Variants in FRMPD4 observed in about 807,000 individuals in gnomAD.
FRMPD4 encodes FERM and PDZ domain-containing protein 4.
FRMPD4 carries 22 observed loss-of-function variants against 94.1 expected under a neutral mutation model. The ratio of observed to expected loss-of-function variants is 0.23; its 90% CI spans 0.17 to 0.33. FRMPD4 has a LOEUF of 0.33. Among genes scored for constraint, FRMPD4 ranks in the 10% least tolerant of loss-of-function variants. The probability of loss-of-function intolerance (pLI) is 1.00; values close to 1 mark genes in which losing one functional copy is unlikely to be tolerated. For synonymous variants in FRMPD4, 631 were observed against 548.6 expected, an observed-to-expected ratio of 1.15 and a Z score of -2.10; for missense variants, 1,111 against 1,339.9, an observed-to-expected ratio of 0.83 and a Z score of 2.67.
chrX:12,519,133 C>T (rs2058134271), intron 2 of FRMPD4, among the ~76,000 whole-genome samples: 1 of 112,092 alleles, frequency 8.9e-6, no homozygotes, highest in African/African-American at 3.2e-5. Flanking sequence ...AAGCAGTCTA[C>T]AAATTCAACA....
At chrX:11,837,529 G>T (rs2053507879) in intron 1 of FRMPD4, among the ~76,000 whole-genome samples, 1 of 111,432 alleles carries the variant, frequency 9.0e-6, no homozygotes, top group Non-Finnish European at 1.9e-5. Flanking sequence ...ACGTAATAGT[G>T]GATAGAAATG....
At chrX:12,533,144 G>T (rs771253612) in intron 2 of FRMPD4, among the ~76,000 whole-genome samples, 4 of 110,931 alleles carry the variant, frequency 3.6e-5, no homozygotes, top group Non-Finnish European at 5.7e-5. Context: ...ATGGGGGCAG[G>T]TCTTCCCTGT....
intron 1 of FRMPD4, among the ~76,000 whole-genome samples, chrX:12,438,404 C>T (rs1236390538): frequency 9.2e-6 from 1 of 108,393 alleles, no homozygotes; most frequent in Non-Finnish European, 1.9e-5. Context: ...ATACTAGATT[C>T]ATAGTGTTAT....
At chrX:12,458,673 C>T (rs939503888) in intron 1 of FRMPD4, among the ~76,000 whole-genome samples, 1 of 111,436 alleles carries the variant, frequency 9.0e-6, no homozygotes, top group Non-Finnish European at 1.9e-5. Context: ...GAGGTCTAGG[C>T]CTGTGATTTC....
intron 1 of FRMPD4, among the ~76,000 whole-genome samples, chrX:12,494,180 G>A (rs769083613): frequency 2.3e-4 from 26 of 112,042 alleles, no homozygotes; most frequent in Non-Finnish European, 4.7e-4. Context: ...TTATCTTCTT[G>A]TAACAGTCCT....
chrX:12,284,491 C>CA (rs2054571155), intron 1 of FRMPD4, among the ~76,000 whole-genome samples: 1 of 111,617 alleles, frequency 9.0e-6, no homozygotes, highest in African/African-American at 3.3e-5. Flanking sequence ...CAGACAAGAA[C>CA]ATGCCTTCCC....
chrX:12,113,648 A>G (rs1188000320), intron 3 of FRMPD4, among the ~76,000 whole-genome samples: 3 of 112,290 alleles, frequency 2.7e-5, no homozygotes, highest in African/African-American at 3.2e-5. Flanking sequence ...ATCCAAGATA[A>G]ACAACCCATC....
chrX:12,652,053 T>A (rs1602263778), intron 4 of FRMPD4, among the ~76,000 whole-genome samples: 2 of 112,713 alleles, frequency 1.8e-5, no homozygotes, highest in South Asian at 7.3e-4. Context: ...GGGCCTCCCA[T>A]GGGAATGACC....
chrX:12,414,699 T>C (rs892740381), intron 1 of FRMPD4, among the ~76,000 whole-genome samples: 2 of 111,744 alleles, frequency 1.8e-5, no homozygotes, highest in Admixed American at 1.9e-4. Flanking sequence ...CCAAAAATAA[T>C]GAAAGAGCAA....
rs754063498 is a variant in FRMPD4 at position 12,331,691 on chromosome X, A to ACT, written c.42-166989_42-166988insCT. Among the ~76,000 whole-genome samples, 178 of 65,245 alleles carry ACT rather than the reference A, an allele frequency of 2.7e-3. 16 individuals are homozygous for ACT. Among genetic ancestry groups the ACT allele is most frequent in the African/African-American group, 0.013 (143 of 11,227 alleles). 56.7% of individuals were successfully genotyped at this position (65,245 alleles called of 115,157 possible). On this transcript the variant is annotated intron_variant, in intron 1 of 16. Transcript: ENST00000675598. ...AAATATATAAATTATATATTTATAT[A>ACT]ATATATAAATATATAATATATAATT...
In FRMPD4 at chrX:12,710,302, A is replaced by G. The variant is rs1372766697; in HGVS notation, c.1471-97A>G. ...GTTTCTCCCATGAAATGTTTGTTCAATAACTCCTTTTTCCATAAGCATAAA... is the reference window on the plus strand; with the variant it reads ...GTTTCTCCCATGAAATGTTTGTTCAGTAACTCCTTTTTCCATAAGCATAAA... On this transcript the variant is annotated intron_variant, in intron 13 of 16. Transcript: ENST00000675598. 1.8e-5 allele frequency: 13 copies of G among 722,179 alleles called. No individual in the cohort carries two copies. The Admixed American group carries it at 3.4e-4, about 19-fold the overall frequency. The allele number at this position is 722,179 out of a possible 1,213,427, so 59.5% of individuals were successfully genotyped here. A position where few individuals can be genotyped will look rare whatever the true frequency, so the allele number is the denominator to read the frequency against.
intron 1 of FRMPD4, among the ~76,000 whole-genome samples, chrX:12,382,923 G>T (rs1476540846): frequency 8.9e-6 from 1 of 112,203 alleles, no homozygotes; most frequent in African/African-American, 3.2e-5. Flanking sequence ...AAACATAATA[G>T]GGACTCGGAA....
chrX:11,875,869 ATTTT>A (rs869076863), intron 2 of FRMPD4, among the ~76,000 whole-genome samples: 1 of 57,264 alleles, frequency 1.7e-5, no homozygotes. Context: ...CCACTTGAGG[ATTTT>A]TTTTTTTTTT....
intron 2 of FRMPD4, among the ~76,000 whole-genome samples, chrX:11,866,645 A>G (rs1298687756): frequency 8.9e-6 from 1 of 112,455 alleles, no homozygotes; most frequent in Non-Finnish European, 1.9e-5. Context: ...TACATATACA[A>G]CTAGATTAAT....
At chrX:12,588,831 C>T (rs2058956246) in intron 2 of FRMPD4, among the ~76,000 whole-genome samples, 2 of 110,848 alleles carry the variant, frequency 1.8e-5, no homozygotes, top group Admixed American at 9.5e-5. Flanking sequence ...CAAATGTGTA[C>T]GTGTATAAAC....
chrX:12,294,485 C>CACACACACACACACACACACACAG (rs34874624), intron 1 of FRMPD4, among the ~76,000 whole-genome samples: 8 of 92,098 alleles, frequency 8.7e-5, no homozygotes, highest in Admixed American at 2.4e-4. Context: ...CACACACACA[C>CACACACACACACACACACACACAG]AGAGAGAGAG....
At chrX:12,021,675 A>G (rs1324275611) in intron 3 of FRMPD4, among the ~76,000 whole-genome samples, 1 of 111,604 alleles carries the variant, frequency 9.0e-6, no homozygotes, top group East Asian at 2.8e-4. Context: ...AACACTTAAA[A>G]TACTCATCTA....
chrX:11,882,401 A>T (rs2053819120), intron 3 of FRMPD4, among the ~76,000 whole-genome samples: 1 of 111,178 alleles, frequency 9.0e-6, no homozygotes, highest in Non-Finnish European at 1.9e-5. Flanking sequence ...CTGTGAACAG[A>T]TTTATAGAGG....
rs779627612 is a variant in FRMPD4 at position 12,195,684 on chromosome X, T to C, written c.41+56672T>C. 8.9e-4 allele frequency among the ~76,000 whole-genome samples: 100 copies of C among 111,797 alleles called. 1 individual carries two copies. Among genetic ancestry groups the C allele is most frequent in the African/African-American group, 3.0e-3 (94 of 30,820 alleles). On this transcript the variant is annotated intron_variant, in intron 1 of 16. Coordinates refer to ENST00000675598, the MANE Select transcript of FRMPD4 (RefSeq NM_001368397.1). ...CAGGTGGGAAAAACAACCGATTGTG[T>C]AGGGAACTTTTCAGAAGCTGAGTTC...
Sources: gnomAD v4.1 joint callset for allele counts (sites outside exome capture counted in the v4.1 genomes callset) on GRCh38, gnomAD v4.1.1 for gene constraint, MANE v1.5 for transcripts, NCBI Gene and HGNC (gene_info 2026-07-23, HGNC 2026-07-21) for gene names.